The following PCLO variants were observed in gnomAD, a reference collection of about 807,000 sequenced individuals.
PCLO encodes protein piccolo.
Under a neutral mutation model 427.5 loss-of-function variants are expected in PCLO, and 82 were observed. The observed-to-expected ratio is 0.19, with a 90% CI of 0.16 to 0.23. The LOEUF (loss-of-function observed/expected upper bound fraction) is 0.23. Among genes scored for constraint, PCLO ranks in the 10% least tolerant of loss-of-function variants. The probability of loss-of-function intolerance (pLI) is 1.00; values close to 1 mark genes in which losing one functional copy is unlikely to be tolerated. For synonymous variants in PCLO, 2,357 were observed against 2,155.4 expected (o/e 1.09, Z -2.59); for missense variants, 6,239 against 6,115.9 (o/e 1.02, Z -0.67).
At chr7:83,046,974 T>A (rs1789119495) in intron 3 of PCLO, among the ~76,000 whole-genome samples, 1 of 151,856 alleles carries the variant, frequency 6.6e-6, no homozygotes, top group Admixed American at 6.6e-5. Context: ...AAATAGCTAA[T>A]TATTTTTAAA....
intron 10 of PCLO, among the ~76,000 whole-genome samples, chr7:82,865,914 T>C (rs1793080786): frequency 6.6e-6 from 1 of 152,188 alleles, no homozygotes; most frequent in Non-Finnish European, 1.5e-5. Context: ...AGAGTGATCC[T>C]ATTTAAACGT....
At chr7:82,845,036 C>T (rs1246452873) in intron 13 of PCLO, among the ~76,000 whole-genome samples, 1 of 152,040 alleles carries the variant, frequency 6.6e-6, no homozygotes, top group East Asian at 1.9e-4. Flanking sequence ...AGACATTTTT[C>T]AAGTTCCTCA....
chr7:82,799,599 A>G lies in PCLO; in HGVS notation c.15007+1919T>C, dbSNP rs534896053. On this transcript the variant is annotated intron_variant, in intron 22 of 24. Coordinates refer to ENST00000333891, the MANE Select transcript of PCLO (RefSeq NM_033026.6). Reference sequence around the variant, plus strand: ...TCGGTCTCTTCCTTCCTTTCTTCTCAGAGTAGCTGCCCTGTACAGTTTTCC... The same window carrying G: ...TCGGTCTCTTCCTTCCTTTCTTCTCGGAGTAGCTGCCCTGTACAGTTTTCC... Among the ~76,000 whole-genome samples, 258 of 152,204 alleles carry G rather than the reference A, an allele frequency of 1.7e-3. 1 individual carries two copies. Among genetic ancestry groups the G allele is most frequent in the Middle Eastern group, 3.4e-3 (1 of 294 alleles).
intron 20 of PCLO, 101 bp downstream of exon 20, chr7:82,822,394 G>T: frequency 1.2e-6 from 2 of 1,602,312 alleles, no homozygotes; most frequent in South Asian, 2.2e-5. Context: ...GGTGAGCAGA[G>T]GATGTTGAAA....
intron 7 of PCLO, among the ~76,000 whole-genome samples, chr7:82,909,766 C>A (rs551006673): frequency 1.3e-5 from 2 of 152,056 alleles, no homozygotes; most frequent in South Asian, 2.1e-4. Flanking sequence ...ATTAAAAATA[C>A]CTCTATTGTA....
intron 6 of PCLO, among the ~76,000 whole-genome samples, chr7:82,928,620 C>T (rs1794770131): frequency 6.6e-6 from 1 of 152,128 alleles, no homozygotes; most frequent in Non-Finnish European, 1.5e-5. Flanking sequence ...GGTAATCCAC[C>T]CGCCTCGGCC....
chr7:82,821,901 T>A (rs920426737), intron 20 of PCLO: 4 of 985,318 alleles, frequency 4.1e-6, no homozygotes, highest in Non-Finnish European at 4.8e-6. Context: ...AAGACTACAA[T>A]TTTTTGCACA....
chr7:83,107,849 C>A (rs1420421003), intron 3 of PCLO, among the ~76,000 whole-genome samples: 1 of 151,128 alleles, frequency 6.6e-6, no homozygotes, highest in Non-Finnish European at 1.5e-5. Context: ...ATTAGCTGGG[C>A]ATGGTGGTGC....
At position 83,155,383 on chromosome 7, in the gene PCLO, G is replaced by A. The variant is rs1477721867; in HGVS notation, c.1258C>T (p.Pro420Ser). Residue 420 changes from proline (P) to serine (S), a missense_variant, in exon 2 of 25, where the codon CCC (proline) becomes TCC (serine). By Grantham distance (74) the Pro-to-Ser change is moderately conservative (BLOSUM62 -1). Transcript: ENST00000333891. ...TGTAGCCCAGGTTGTTGAGCTAGGGGTTTTGGTGTCCCCACCTGCTGGGTT... is the reference window on the plus strand; with the variant it reads ...TGTAGCCCAGGTTGTTGAGCTAGGGATTTTGGTGTCCCCACCTGCTGGGTT... Reference protein sequence around the residue: ...PPTQQVGTPKPLAQQPGLQSP... With the variant: ...PPTQQVGTPKSLAQQPGLQSP... 1.9e-6 allele frequency: 3 copies of A among 1,613,850 alleles called. No homozygotes were observed. Among genetic ancestry groups the A allele is most frequent in the Non-Finnish European group, 2.5e-6 (3 of 1,179,874 alleles).
intron 3 of PCLO, among the ~76,000 whole-genome samples, chr7:83,094,214 T>TTTTC (rs1554395835): frequency 7.5e-5 from 11 of 146,492 alleles, no homozygotes; most frequent in African/African-American, 2.5e-4. Flanking sequence ...TTTTTTCTTT[T>TTTTC]TTTTTTTTTT....
At chr7:82,993,097 A>C (rs978028224) in intron 3 of PCLO, among the ~76,000 whole-genome samples, 1 of 152,024 alleles carries the variant, frequency 6.6e-6, no homozygotes, top group Non-Finnish European at 1.5e-5. Flanking sequence ...CTCTAACCAC[A>C]TATTATTGAA....
intron 3 of PCLO, among the ~76,000 whole-genome samples, chr7:83,020,400 G>GA (rs1788313237): frequency 9.0e-6 from 1 of 111,436 alleles, no homozygotes; most frequent in Non-Finnish European, 2.4e-5. Flanking sequence ...GTAGTAGTAA[G>GA]AGGGGGGGCC....
intron 8 of PCLO, among the ~76,000 whole-genome samples, chr7:82,907,776 T>C (rs577041986): frequency 6.6e-6 from 1 of 152,016 alleles, no homozygotes; most frequent in Admixed American, 6.6e-5. Context: ...TGATAGCATA[T>C]AGAAAAACAG....
chr7:82,912,167 C>T (rs1029793977), intron 7 of PCLO, among the ~76,000 whole-genome samples: 5 of 151,934 alleles, frequency 3.3e-5, no homozygotes, highest in African/African-American at 9.7e-5. Flanking sequence ...GAATGTTATA[C>T]TACTCAAAAT....
chr7:82,981,567 A>G (rs1231865252), intron 3 of PCLO, among the ~76,000 whole-genome samples: 39 of 152,078 alleles, frequency 2.6e-4, no homozygotes, highest in Admixed American at 2.6e-3. Flanking sequence ...GGAACTGAGT[A>G]CTCTAAAAAT....
rs1259530522 is a variant in PCLO, at chr7:82,915,482, T to G, written c.12504A>C (p.Arg4168Ser). The change falls in exon 7 of 25, where the codon AGA (arginine) becomes AGC (serine). Residue 4168 changes from arginine to serine, a missense_variant. This residue lies in a region of PCLO where 680 missense variants were observed against 677.3 expected (regional missense o/e 1.00). Coordinates refer to ENST00000333891, the MANE Select transcript of PCLO (RefSeq NM_033026.6). ...FPKSEKYSIS[R>S]LTLEKQAAKQ... Reference sequence around the variant, plus strand: ...TTGCTGCTTGTTTTTCAAGTGTGAGTCTACTGATGCTATACTTCTCAGATT... The same window carrying G: ...TTGCTGCTTGTTTTTCAAGTGTGAGGCTACTGATGCTATACTTCTCAGATT... 6.2e-7 allele frequency: 1 copy of G among 1,613,704 alleles called. No homozygotes were observed.
intron 6 of PCLO, among the ~76,000 whole-genome samples, chr7:82,933,407 AC>A (rs1794882756): frequency 6.6e-6 from 1 of 151,904 alleles, no homozygotes; most frequent in Non-Finnish European, 1.5e-5. Context: ...TATACTGGGT[AC>A]TTTCAGAAAA....
At position 82,955,241 on chromosome 7, in the gene PCLO, T is replaced by G. The variant is rs960532549; in HGVS notation, c.5712A>C (p.Lys1904Asn). 29 of 1,613,734 alleles carry G rather than the reference T, an allele frequency of 1.8e-5. No individual in the cohort carries two copies. The highest frequency in any genetic ancestry group is 2.4e-5 in the Non-Finnish European group (28 of 1,179,830). ...SPTDEQSIMQ[K>N]EGSQKALKSA... ...TTTTTAACGCCTTTTGGCTACCTTCTTTCTGCATAATAGATTGCTCATCTG... is the reference window on the plus strand; with the variant it reads ...TTTTTAACGCCTTTTGGCTACCTTCGTTCTGCATAATAGATTGCTCATCTG... The change falls in exon 5 of 25, where the codon AAA (lysine) becomes AAC (asparagine). Residue 1904 changes from lysine to asparagine, a missense_variant. Physicochemically the swap from Lys to Asn is moderately conservative, Grantham distance 94. Around this residue, in one of 5 missense-constraint regions of PCLO, gnomAD observed 4,677 missense variants for 4,468.4 expected, o/e 1.05. Transcript: ENST00000333891.
At chr7:83,073,572 T>C (rs1377349881) in intron 3 of PCLO, among the ~76,000 whole-genome samples, 2 of 151,924 alleles carry the variant, frequency 1.3e-5, no homozygotes, top group African/African-American at 2.4e-5. Flanking sequence ...GAAAGAACAT[T>C]TGTAATGCAA....
Sources: allele counts gnomAD v4.1 joint callset (sites outside exome capture counted in the v4.1 genomes callset), GRCh38; gene constraint gnomAD v4.1.1; regional missense constraint gnomAD v4.1.1; transcripts MANE v1.5; gene names NCBI Gene and HGNC (gene_info 2026-07-23, HGNC 2026-07-21).